The following MYCBPAP variants were observed in gnomAD, a reference collection of about 807,000 sequenced individuals.
MYCBPAP encodes the protein MYCBP associated protein.
Under a neutral mutation model 106.1 loss-of-function variants are expected in MYCBPAP, and 60 were observed. The observed-to-expected ratio is 0.57, with a 90% confidence interval of 0.46 to 0.70. MYCBPAP has a LOEUF of 0.70. Ranked by LOEUF, MYCBPAP falls within the 30% of genes least tolerant of loss-of-function variation. MYCBPAP has a pLI of 0.00. For missense variants in MYCBPAP, 1,064 were observed against 1,169.3 expected, an observed-to-expected ratio of 0.91 and a Z score of 1.31; for synonymous variants, 407 against 440.6, an observed-to-expected ratio of 0.92 and a Z score of 0.95.
chr17:50,524,531 C>T (rs1269214461), intron 12 of MYCBPAP, among the ~76,000 whole-genome samples: 1 of 152,150 alleles, frequency 6.6e-6, no homozygotes, highest in Admixed American at 6.5e-5. Flanking sequence ...TCCTCAGAAG[C>T]ACCCCCACTA....
Position 50,519,082 on chromosome 17 carries a change from A to G in MYCBPAP, c.761A>G (p.Asp254Gly). 2 of 1,603,304 alleles carry G rather than the reference A, an allele frequency of 1.2e-6. No homozygotes were observed. The highest frequency in any genetic ancestry group is 4.8e-5 in the East Asian group (2 of 41,696). ...GACTGCACACTTCCAACCCGGCGTG[A>G]TAGGAAAGTGAGGCCACCTGTCCTA... ...LIDCTLPTRRDRKSWENSGFW... is the reference protein window; with the variant it reads ...LIDCTLPTRRGRKSWENSGFW... Residue 254 changes from aspartate (D) to glycine (G), a missense_variant, in exon 6 of 19, where the codon GAT becomes GGT. Physicochemically the swap from Asp to Gly is moderately conservative, Grantham distance 94. Coordinates refer to ENST00000323776, the MANE Select transcript of MYCBPAP (RefSeq NM_032133.6).
At chr17:50,525,763 T>C in intron 13 of MYCBPAP, 118 bp from the exon 14 acceptor site, 1 of 1,252,504 alleles carries the variant, frequency 8.0e-7, no homozygotes, top group Non-Finnish European at 1.1e-6. Flanking sequence ...AGCACTGGGA[T>C]TGCAGGCTTG....
rs2033731498 is a variant in MYCBPAP, at chr17:50,509,217, C to T, written c.76+467C>T. The T allele has an allele frequency of 1.0e-5, 7 of 695,094 alleles. 1 individual carries two copies. The highest frequency in any genetic ancestry group is 2.7e-4 in the Middle Eastern group (1 of 3,738). 43.1% of individuals were successfully genotyped at this position (695,094 alleles called of 1,614,324 possible). ...GAGGAGGGTCGGGGAGCGGGGCAGG[C>T]GTCACTTAGGATTCCTGCTGGAAAA... On this transcript the variant is annotated intron_variant, in intron 1 of 18. Coordinates refer to ENST00000323776, the MANE Select transcript of MYCBPAP (RefSeq NM_032133.6).
chr17:50,519,704 T>C lies in MYCBPAP; in HGVS notation c.833T>C (p.Val278Ala). ...TTGGGAGATGAGATGACAGGTCTGG[T>C]CATGACCAAGACAAAAACTCAGCGT... ...EYLGDEMTGL[V>A]MTKTKTQRGL... Residue 278 changes from valine to alanine, a missense_variant, in exon 7 of 19, where the codon GTC becomes GCC. Val to Ala is a moderately conservative substitution (Grantham distance 64). Coordinates refer to ENST00000323776, the MANE Select transcript of MYCBPAP (RefSeq NM_032133.6). 1 of 1,614,064 alleles carries C rather than the reference T, an allele frequency of 6.2e-7. No individual in the cohort carries two copies. Among genetic ancestry groups the C allele is most frequent in the East Asian group, 2.2e-5 (1 of 44,884 alleles).
chr17:50,516,556 C>A lies in MYCBPAP; in HGVS notation c.77-14C>A, dbSNP rs368718000. 1.9e-6 allele frequency: 3 copies of A among 1,612,242 alleles called. No individual in the cohort carries two copies. In the African/African-American group the frequency reaches 4.0e-5, roughly 22 times the overall value. ...AGCTCTTTAAGGACTTAATAACTTT[C>A]TGCTTCTCTTCAGAAAAGAAGCGGG... On this transcript the variant is annotated splice_polypyrimidine_tract_variant and intron_variant, in intron 1 of 18. Transcript: ENST00000323776.
intron 10 of MYCBPAP, 153 bp from the exon 11 acceptor site, chr17:50,522,786 G>A (rs2034322800): frequency 1.8e-6 from 1 of 548,958 alleles, no homozygotes. Context: ...GCTGGAGTAG[G>A]ATACCACTCT....
At position 50,517,692 on chromosome 17, in the gene MYCBPAP, C is replaced by T. The variant is rs1157113309; in HGVS notation, c.462C>T (p.Asn154=). 1 of 1,613,958 alleles carries T rather than the reference C, an allele frequency of 6.2e-7. No homozygotes were observed. The highest frequency in any genetic ancestry group is 2.2e-5 in the East Asian group (1 of 44,884). The change falls in exon 4 of 19, where the codon AAC becomes AAT. Residue 154 remains asparagine (N), a synonymous_variant. Coordinates refer to ENST00000323776, the MANE Select transcript of MYCBPAP (RefSeq NM_032133.6). ...DFKRIALARG[N]TQLAERIPTS... ...AGAGAATTGCACTTGCTCGAGGGAA[C>T]ACCCAGGTTTGTTTGCACAGAACTA...
Position 50,508,533 on chromosome 17 carries a change from A to C in MYCBPAP, c.-142A>C. ...GAGGTTTCCAAGCCGTCTCCGCCCA[A>C]GTTGATCGGTGGATGCGCGCCCCCG... On this transcript the variant is annotated 5_prime_UTR_variant, in exon 1 of 19. Coordinates refer to ENST00000323776, the MANE Select transcript of MYCBPAP (RefSeq NM_032133.6). 6.5e-7 allele frequency: 1 copy of C among 1,538,214 alleles called. No individual in the cohort carries two copies. The highest frequency in any genetic ancestry group is 1.2e-5 in the South Asian group (1 of 83,028).
Position 50,508,739 on chromosome 17 carries a change from A to G in MYCBPAP, c.65A>G (p.Glu22Gly), listed in dbSNP as rs771967879. 1.2e-6 allele frequency: 2 copies of G among 1,610,260 alleles called. No individual in the cohort carries two copies. Among genetic ancestry groups the G allele is most frequent in the African/African-American group, 1.3e-5 (1 of 74,784 alleles). ...CCGACCAGATTATTAGAGGCCTCAG[A>G]GAATGTCAAAGGTTGGCGCTGGCTG... Reference protein sequence around the residue: ...ITPTRLLEASENVKEKKRAKG... With the variant: ...ITPTRLLEASGNVKEKKRAKG... The change falls in exon 1 of 19, where the codon GAG becomes GGG. Residue 22 changes from glutamate to glycine, a missense_variant. Transcript: ENST00000323776.
chr17:50,508,723 T>A lies in MYCBPAP; in HGVS notation c.49T>A (p.Leu17Ile). The A allele has an allele frequency of 6.2e-7, 1 of 1,611,300 alleles. No individual in the cohort carries two copies. Among genetic ancestry groups the A allele is most frequent in the Non-Finnish European group, 8.5e-7 (1 of 1,178,660 alleles). ...CCGCCTCAGAATAACTCCGACCAGA[T>A]TATTAGAGGCCTCAGAGAATGTCAA... ...DSRLRITPTRLLEASENVKEK... is the reference protein window; with the variant it reads ...DSRLRITPTRILEASENVKEK... The change falls in exon 1 of 19, where the codon TTA becomes ATA. Residue 17 changes from leucine (L) to isoleucine (I), a missense_variant. Physicochemically the swap from Leu to Ile is conservative, Grantham distance 5 (BLOSUM62 2). Coordinates refer to ENST00000323776, the MANE Select transcript of MYCBPAP (RefSeq NM_032133.6).
intron 1 of MYCBPAP, among the ~76,000 whole-genome samples, chr17:50,513,380 C>T (rs565898540): frequency 1.5e-5 from 2 of 133,118 alleles, no homozygotes; most frequent in Admixed American, 1.5e-4. Context: ...GAGTGAGACT[C>T]CATCTCAAGA....
At chr17:50,526,873 G>T (rs184139143) in intron 14 of MYCBPAP, among the ~76,000 whole-genome samples, 2 of 152,124 alleles carry the variant, frequency 1.3e-5, no homozygotes, top group African/African-American at 4.8e-5. Context: ...GAGCCACCAC[G>T]CCAGGCCAAT....
At chr17:50,513,132 C>T (rs778266161) in intron 1 of MYCBPAP, among the ~76,000 whole-genome samples, 14 of 149,802 alleles carry the variant, frequency 9.3e-5, no homozygotes, top group Non-Finnish European at 1.5e-4. Flanking sequence ...GCAGGAGAAT[C>T]GCTTGAACCT....
At chr17:50,528,032 G>C (rs564538785) in intron 15 of MYCBPAP, 123 bp from the exon 16 acceptor site, 2 of 774,744 alleles carry the variant, frequency 2.6e-6, no homozygotes, top group East Asian at 2.7e-5. Context: ...TGGCTGTTCA[G>C]GGGTGTGGCA....
At chr17:50,530,542 T>C (rs2034602466) in intron 18 of MYCBPAP, among the ~76,000 whole-genome samples, 1 of 141,328 alleles carries the variant, frequency 7.1e-6, no homozygotes, top group Non-Finnish European at 1.5e-5. Flanking sequence ...ACACCTGTAA[T>C]CCTAGCACGT....
chr17:50,519,113 C>T, intron 6 of MYCBPAP, 24 bp downstream of exon 6: 3 of 1,533,138 alleles, frequency 2.0e-6, no homozygotes, highest in Non-Finnish European at 2.7e-6. Flanking sequence ...TCCTAAGTGC[C>T]CGGGGGCAGG....
chr17:50,524,719 T>TGC (rs2034393530), intron 12 of MYCBPAP, among the ~76,000 whole-genome samples, 158 bp from the exon 13 acceptor site: 1 of 72,936 alleles, frequency 1.4e-5, no homozygotes, highest in South Asian at 4.6e-4. Flanking sequence ...GGCGTGTGTG[T>TGC]GTGTGTGTGT....
intron 1 of MYCBPAP, among the ~76,000 whole-genome samples, chr17:50,515,294 C>T (rs946527805): frequency 6.6e-6 from 1 of 152,032 alleles, no homozygotes; most frequent in Admixed American, 6.5e-5. Context: ...GTCTGTTTCA[C>T]GGTCTTGTTT....
chr17:50,525,012 A>G lies in MYCBPAP; in HGVS notation c.1771A>G (p.Arg591Gly). 1 of 1,613,080 alleles carries G rather than the reference A, an allele frequency of 6.2e-7. No homozygotes were observed. The highest frequency in any genetic ancestry group is 8.5e-7 in the Non-Finnish European group (1 of 1,179,456). The part of the protein sequence containing the change: ...YLTEEDLFRH[R>G]NPPLHYEHQV... ...CACCGAGGAAGACTTGTTCCGGCAC[A>G]GAAATCCTCCGGTGAGGCCCAGCGC... The change falls in exon 13 of 19, where the codon AGA (arginine) becomes GGA (glycine). Residue 591 changes from arginine (R) to glycine (G), a missense_variant. Arg to Gly is a moderately radical substitution (Grantham distance 125). Transcript: ENST00000323776.
Sources: allele counts gnomAD v4.1 joint callset (sites outside exome capture counted in the v4.1 genomes callset), GRCh38; gene constraint gnomAD v4.1.1; transcripts MANE v1.5; gene names NCBI Gene and HGNC (gene_info 2026-07-23, HGNC 2026-07-21).